The following UBR2 variants were observed in gnomAD, a reference collection of about 807,000 sequenced individuals.
UBR2 encodes E3 ubiquitin-protein ligase UBR2.
A neutral mutation model predicts 247.9 loss-of-function variants in UBR2; 92 were observed. The observed-to-expected ratio is 0.37, with a 90% CI of 0.31 to 0.44. UBR2 has a LOEUF of 0.44. UBR2 is among the 20% of genes least tolerant of loss of function. The pLI is 1.00. For missense variants in UBR2, 1,613 were observed against 2,112.6 expected (o/e 0.76, Z 4.64); for synonymous variants, 672 against 693.5 (o/e 0.97, Z 0.49).
At chr6:42,661,592 C>G (rs959601973) in intron 30 of UBR2, among the ~76,000 whole-genome samples, 1 of 152,084 alleles carries the variant, frequency 6.6e-6, no homozygotes, top group African/African-American at 2.4e-5. Flanking sequence ...TTTTTCATCC[C>G]CTTTGAATAT....
chr6:42,667,811 G>A (rs1262676078), intron 34 of UBR2, among the ~76,000 whole-genome samples: 1 of 145,724 alleles, frequency 6.9e-6, no homozygotes, highest in Non-Finnish European at 1.5e-5. Context: ...CCAGGCTGGA[G>A]TGCAGTGGCG....
At chr6:42,573,403 G>A (rs1345170853) in intron 1 of UBR2, among the ~76,000 whole-genome samples, 1 of 152,156 alleles carries the variant, frequency 6.6e-6, no homozygotes, top group Non-Finnish European at 1.5e-5. Context: ...CATTAGGAAG[G>A]ACATTAGGTG....
intron 42 of UBR2, among the ~76,000 whole-genome samples, chr6:42,682,206 A>G (rs1799098585): frequency 1.3e-5 from 2 of 152,214 alleles, no homozygotes; most frequent in Admixed American, 6.5e-5. Flanking sequence ...TACCTAGAGT[A>G]GTCAAATTTA....
At chr6:42,565,646 A>G (rs2151895747) in intron 1 of UBR2, among the ~76,000 whole-genome samples, 1 of 152,120 alleles carries the variant, frequency 6.6e-6, no homozygotes, top group South Asian at 2.1e-4. Context: ...CCGCAACCTC[A>G]GTCTCCCGGG....
At chr6:42,633,612 A>G (rs2151952004) in intron 13 of UBR2, among the ~76,000 whole-genome samples, 1 of 152,228 alleles carries the variant, frequency 6.6e-6, no homozygotes, top group South Asian at 2.1e-4. Flanking sequence ...GCTGGTCTCG[A>G]ACTCCTGACC....
chr6:42,684,766 T>C (rs562327841), intron 43 of UBR2, 28 bp from the exon 44 acceptor site: 1 of 1,541,972 alleles, frequency 6.5e-7, no homozygotes, highest in Admixed American at 1.7e-5. Context: ...ATTAATGGAG[T>C]GTTCTTTAAT....
intron 21 of UBR2, among the ~76,000 whole-genome samples, chr6:42,646,760 T>C (rs1000868258): frequency 1.3e-5 from 2 of 151,908 alleles, no homozygotes; most frequent in Admixed American, 6.6e-5. Context: ...AAAAACCCTA[T>C]CTTTATGTTA....
Position 42,658,787 on chromosome 6 carries a change from G to T in UBR2, c.3205G>T (p.Glu1069Ter). 6.3e-7 allele frequency: 1 copy of T among 1,589,854 alleles called. No individual in the cohort carries two copies. The highest frequency in any genetic ancestry group is 8.5e-7 in the Non-Finnish European group (1 of 1,171,770). Residue 1069 changes from glutamate (E) to a stop codon, truncating the protein, a stop_gained, in exon 29 of 47, where the codon GAA becomes TAA. Coordinates refer to ENST00000372901, the MANE Select transcript of UBR2 (RefSeq NM_001363705.2). LOFTEE classifies it high-confidence loss of function. ...ENKELFQQTL[E>*]LDASTSAVLD... ...CAAAGAACTCTTTCAGCAGACATTAGAACTGGATGCCTCAACCTCTGCTGT... is the reference window on the plus strand; with the variant it reads ...CAAAGAACTCTTTCAGCAGACATTATAACTGGATGCCTCAACCTCTGCTGT...
chr6:42,650,898 A>G (rs1397490564), intron 23 of UBR2, among the ~76,000 whole-genome samples: 1 of 152,156 alleles, frequency 6.6e-6, no homozygotes, highest in Non-Finnish European at 1.5e-5. Flanking sequence ...ACACTTTTTC[A>G]TAGAGATTCA....
chr6:42,631,337 C>A (rs1197565293), intron 11 of UBR2, among the ~76,000 whole-genome samples: 1 of 152,080 alleles, frequency 6.6e-6, no homozygotes, highest in Non-Finnish European at 1.5e-5. Flanking sequence ...GAGATTAACA[C>A]CATCAAAATG....
intron 5 of UBR2, among the ~76,000 whole-genome samples, chr6:42,604,138 C>T (rs893094086): frequency 6.6e-6 from 1 of 152,104 alleles, no homozygotes; most frequent in Non-Finnish European, 1.5e-5. Flanking sequence ...CATTTTGATT[C>T]GAACTTTTAA....
At chr6:42,614,253 CAT>C (rs1794312268) in intron 8 of UBR2, among the ~76,000 whole-genome samples, 2 of 135,822 alleles carry the variant, frequency 1.5e-5, no homozygotes, top group South Asian at 2.4e-4. Flanking sequence ...CACGCGCGCA[CAT>C]ATATATACAC....
At chr6:42,658,174 G>A (rs755849404) in intron 27 of UBR2, 41 bp downstream of exon 27, 1 of 1,610,082 alleles carries the variant, frequency 6.2e-7, no homozygotes, top group African/African-American at 1.3e-5. Context: ...GAGAAATATT[G>A]AATATTTGTT....
intron 2 of UBR2, among the ~76,000 whole-genome samples, chr6:42,577,897 T>C (rs977815719): frequency 1.3e-5 from 2 of 152,068 alleles, no homozygotes; most frequent in Non-Finnish European, 1.5e-5. Flanking sequence ...TAAATAATTT[T>C]GTATAGGCTT....
At chr6:42,605,650 C>T in intron 5 of UBR2, 71 bp from the exon 6 acceptor site, 1 of 1,437,162 alleles carries the variant, frequency 7.0e-7, no homozygotes, top group Non-Finnish European at 9.4e-7. Flanking sequence ...ACAAAGTAGT[C>T]TCTTAATAAG....
intron 32 of UBR2, among the ~76,000 whole-genome samples, chr6:42,663,722 C>T (rs2151977496): frequency 6.6e-6 from 1 of 152,244 alleles, no homozygotes; most frequent in South Asian, 2.1e-4. Flanking sequence ...AAGAGATGCT[C>T]AGTAAACTGG....
At chr6:42,583,653 C>CT (rs1792057682) in intron 2 of UBR2, among the ~76,000 whole-genome samples, 3 of 151,886 alleles carry the variant, frequency 2.0e-5, no homozygotes, top group Admixed American at 2.0e-4. Context: ...TCCTGAGTAG[C>CT]TAGGACTACA....
At position 42,665,369 on chromosome 6, in the gene UBR2, CAAT is replaced by C. The variant is rs752768294; in HGVS notation, c.3699-34_3699-32del. 62 of 1,447,432 alleles carry C rather than the reference CAAT, an allele frequency of 4.3e-5. No homozygotes were observed. The African/African-American group carries it at 8.9e-4, about 21-fold the overall frequency. 89.7% of individuals were successfully genotyped at this position (1,447,432 alleles called of 1,614,324 possible). A position where few individuals can be genotyped will look rare whatever the true frequency, so the allele number is the denominator to read the frequency against. ...AAGGAGTCTTTTGTATCTTAAGGAA[CAAT>C]AATAAAACACTAAATACTCTCTATA... is the stretch of plus-strand genomic sequence containing the variant. On this transcript the variant is annotated intron_variant, in intron 32 of 46. Coordinates refer to ENST00000372901, the MANE Select transcript of UBR2 (RefSeq NM_001363705.2).
intron 1 of UBR2, among the ~76,000 whole-genome samples, chr6:42,565,278 T>C (rs1790714333): frequency 1.3e-5 from 2 of 152,176 alleles, no homozygotes; most frequent in South Asian, 4.1e-4. Flanking sequence ...CGAGAATGAT[T>C]ATGAATGGAC....
Sources: allele counts gnomAD v4.1 joint callset (sites outside exome capture counted in the v4.1 genomes callset), GRCh38; gene constraint gnomAD v4.1.1; transcripts MANE v1.5; gene names NCBI Gene and HGNC (gene_info 2026-07-23, HGNC 2026-07-21).